The following HIBCH variants were observed in gnomAD, a reference collection of about 807,000 sequenced individuals.
The protein encoded by HIBCH is 3-hydroxyisobutyryl-CoA hydrolase.
Under a neutral mutation model 58.2 loss-of-function variants are expected in HIBCH, and 50 were observed. The ratio of observed to expected loss-of-function variants is 0.86; its 90% CI spans 0.68 to 1.09. HIBCH has a LOEUF of 1.09. Among genes scored for constraint, HIBCH ranks in the 50% least tolerant of loss-of-function variants. The probability of loss-of-function intolerance (pLI) is 0.00; values close to 1 mark genes in which losing one functional copy is unlikely to be tolerated. For missense variants in HIBCH, 450 were observed against 449.7 expected, an observed-to-expected ratio of 1.00 and a Z score of -0.01; for synonymous variants, 151 against 146.9, an observed-to-expected ratio of 1.03 and a Z score of -0.20.
At position 190,306,423 on chromosome 2, in the gene HIBCH, TGAA is replaced by T. The variant is rs796951721; in HGVS notation, c.78+4328_78+4330del. Among the ~76,000 whole-genome samples the T allele has an allele frequency of 3.5e-4, 53 of 152,282 alleles. No individual in the cohort carries two copies. The highest frequency in any genetic ancestry group is 1.2e-3 in the African/African-American group (48 of 41,566). ...AGAAGGTTTTTGCTGTGAGCCACCA[TGAA>T]GAAGAAGGTAATGTCTTCCTCTGGG... On this transcript the variant is annotated intron_variant, in intron 2 of 13. Transcript: ENST00000359678. The surrounding 1 kb of genome is among the most constrained non-coding windows in gnomAD (Gnocchi z 4.6).
At chr2:190,253,422 T>C (rs1315772109) in intron 7 of HIBCH, among the ~76,000 whole-genome samples, 2 of 152,176 alleles carry the variant, frequency 1.3e-5, no homozygotes, top group Admixed American at 6.5e-5. Flanking sequence ...CATGCTCCTG[T>C]AAACAGAAAT....
At chr2:190,246,006 AAAG>A in intron 10 of HIBCH, 145 bp downstream of exon 10, 1 of 561,594 alleles carries the variant, frequency 1.8e-6, no homozygotes, top group Non-Finnish European at 3.1e-6. Flanking sequence ...AAAAAAAAAA[AAAG>A]GAAGGAAAGC....
chr2:190,267,376 T>C (rs1340098366), intron 6 of HIBCH, among the ~76,000 whole-genome samples: 1 of 152,166 alleles, frequency 6.6e-6, no homozygotes, highest in Non-Finnish European at 1.5e-5. Flanking sequence ...TTTGTATTTT[T>C]AGTAGAGACG....
intron 6 of HIBCH, among the ~76,000 whole-genome samples, chr2:190,264,666 T>C (rs1320364046): frequency 6.6e-6 from 1 of 152,218 alleles, no homozygotes; most frequent in Non-Finnish European, 1.5e-5. Flanking sequence ...GAATAAACAA[T>C]TTGTTAATCC....
At chr2:190,318,982 G>C (rs1026950257) in intron 1 of HIBCH, among the ~76,000 whole-genome samples, 1 of 152,088 alleles carries the variant, frequency 6.6e-6, no homozygotes, top group Non-Finnish European at 1.5e-5. Flanking sequence ...CAAACTCTAA[G>C]GCTTAAAGAA....
chr2:190,221,909 C>A (rs1424728133), intron 11 of HIBCH, among the ~76,000 whole-genome samples: 1 of 152,148 alleles, frequency 6.6e-6, no homozygotes, highest in African/African-American at 2.4e-5. Context: ...TCCTTGAGAG[C>A]CACTTTCATC....
At chr2:190,311,110 A>G in intron 1 of HIBCH, 1 of 498,676 alleles carries the variant, frequency 2.0e-6, no homozygotes, top group Non-Finnish European at 3.7e-6. Context: ...AAAAGAAAAG[A>G]GCTATTATGC....
chr2:190,293,307 G>C (rs1317143845), intron 4 of HIBCH, among the ~76,000 whole-genome samples: 2 of 151,254 alleles, frequency 1.3e-5, no homozygotes, highest in African/African-American at 4.9e-5. Context: ...CAAAAAATTA[G>C]CAGGGCATGT....
intron 1 of HIBCH, among the ~76,000 whole-genome samples, chr2:190,191,984 G>GT (rs1357417857): frequency 6.6e-6 from 1 of 150,956 alleles, no homozygotes; most frequent in East Asian, 2.0e-4. Context: ...TAGTTTACCA[G>GT]TTTTTTTCTT....
chr2:190,293,605 A>G (rs1365258803), intron 4 of HIBCH, among the ~76,000 whole-genome samples: 2 of 152,194 alleles, frequency 1.3e-5, no homozygotes, highest in African/African-American at 4.8e-5. Context: ...AAGTATTTGA[A>G]ATTATGTCCT....
intron 6 of HIBCH, among the ~76,000 whole-genome samples, chr2:190,277,098 T>A (rs1575743509): frequency 6.6e-6 from 1 of 152,144 alleles, no homozygotes; most frequent in South Asian, 2.1e-4. Flanking sequence ...GATAAAAAAA[T>A]TTGTCTTCCC....
At chr2:190,225,550 C>A (rs1178045231) in intron 11 of HIBCH, among the ~76,000 whole-genome samples, 1 of 152,146 alleles carries the variant, frequency 6.6e-6, no homozygotes, top group Non-Finnish European at 1.5e-5. Context: ...GACACATATA[C>A]CCTCCCAAGA....
chr2:190,300,385 T>C (rs1200183100), intron 2 of HIBCH, among the ~76,000 whole-genome samples: 3 of 152,184 alleles, frequency 2.0e-5, no homozygotes, highest in Non-Finnish European at 4.4e-5. Flanking sequence ...TATCTCATCA[T>C]GGTTTTGTTT....
chr2:190,290,919 G>C (rs1263763142), intron 4 of HIBCH, among the ~76,000 whole-genome samples: 1 of 152,074 alleles, frequency 6.6e-6, no homozygotes, highest in Admixed American at 6.6e-5. Flanking sequence ...GCTGAGCCGG[G>C]AGGATCATTT....
intron 1 of HIBCH, among the ~76,000 whole-genome samples, chr2:190,319,280 G>A (rs371862795): frequency 6.6e-6 from 1 of 152,194 alleles, no homozygotes; most frequent in Non-Finnish European, 1.5e-5. Context: ...CTGCAGCCAT[G>A]CAAGAAAGCT....
chr2:190,207,069 C>T lies in HIBCH; in HGVS notation c.1045+1811G>A, dbSNP rs1008614821. ...CCCGGGAGGCGGAGTTTGCAGTGAGCCGAGATTTTGCCACTGCTCTCCAGC... is the reference window on the plus strand; with the variant it reads ...CCCGGGAGGCGGAGTTTGCAGTGAGTCGAGATTTTGCCACTGCTCTCCAGC... On this transcript the variant is annotated intron_variant, in intron 13 of 13. Coordinates refer to ENST00000359678, the MANE Select transcript of HIBCH (RefSeq NM_014362.4). This position sits in a 1 kb window ranked among gnomAD's most constrained non-coding sequence, Gnocchi z 4.5. Among the ~76,000 whole-genome samples, 1 of 152,052 alleles carries T rather than the reference C, an allele frequency of 6.6e-6. No individual in the cohort carries two copies.
At chr2:190,301,846 G>C (rs1688271528) in intron 2 of HIBCH, among the ~76,000 whole-genome samples, 1 of 152,206 alleles carries the variant, frequency 6.6e-6, no homozygotes, top group South Asian at 2.1e-4. Flanking sequence ...AAGACGCCTA[G>C]TTGACTCCCT....
chr2:190,251,156 A>G (rs567253179), intron 8 of HIBCH, among the ~76,000 whole-genome samples: 2 of 152,346 alleles, frequency 1.3e-5, no homozygotes, highest in African/African-American at 4.8e-5. Context: ...TAATAGTTAA[A>G]TTTTGAGTGT....
At chr2:190,239,246 T>C (rs1223651536) in intron 11 of HIBCH, among the ~76,000 whole-genome samples, 1 of 152,220 alleles carries the variant, frequency 6.6e-6, no homozygotes, top group Non-Finnish European at 1.5e-5. Flanking sequence ...ATTGTTTTTG[T>C]CAGGTTTGTC....
Sources: gnomAD v4.1 joint callset for allele counts (sites outside exome capture counted in the v4.1 genomes callset) on GRCh38, gnomAD v4.1.1 for gene constraint, Gnocchi (gnomAD v3.1) non-coding constraint, MANE v1.5 for transcripts, NCBI Gene and HGNC (gene_info 2026-07-23, HGNC 2026-07-21) for gene names.